The following CADM2 variants were observed in gnomAD, a reference collection of about 807,000 sequenced individuals.
CADM2 encodes the protein cell adhesion molecule 2.
CADM2 carries 12 observed loss-of-function variants against 49.8 expected under a neutral mutation model. That is an observed-to-expected ratio of 0.24 (90% CI 0.15 to 0.39). The LOEUF (loss-of-function observed/expected upper bound fraction) is 0.39, where lower values mean the gene tolerates loss of function less well. CADM2 is among the 10% of genes least tolerant of loss of function. The pLI is 1.00. For missense variants in CADM2, 378 were observed against 492.3 expected, an observed-to-expected ratio of 0.77 and a Z score of 2.20; for synonymous variants, 214 against 175.4, an observed-to-expected ratio of 1.22 and a Z score of -1.74.
chr3:85,651,305 A>G (rs1390555637), intron 1 of CADM2, among the ~76,000 whole-genome samples: 2 of 152,194 alleles, frequency 1.3e-5, no homozygotes. Context: ...ATTAAAGGTC[A>G]CTTAACAAGA....
intron 2 of CADM2, among the ~76,000 whole-genome samples, chr3:85,740,960 G>T (rs553593168): frequency 6.6e-6 from 1 of 152,126 alleles, no homozygotes; most frequent in South Asian, 2.1e-4. Context: ...AATAAGCCTA[G>T]GTAATCCTAG....
intron 5 of CADM2, among the ~76,000 whole-genome samples, chr3:85,898,340 T>A (rs1180973220): frequency 6.6e-6 from 1 of 152,046 alleles, no homozygotes; most frequent in African/African-American, 2.4e-5. Flanking sequence ...TGCAATTTAT[T>A]AAGTTTTGAC....
intron 3 of CADM2, among the ~76,000 whole-genome samples, chr3:85,846,663 T>G (rs2074894554): frequency 6.6e-6 from 1 of 152,022 alleles, no homozygotes. Flanking sequence ...AGCCAGGAGT[T>G]TAAGACCAGC....
intron 1 of CADM2, among the ~76,000 whole-genome samples, chr3:85,414,335 T>C (rs902154901): frequency 2.6e-5 from 4 of 152,204 alleles, no homozygotes; most frequent in East Asian, 1.9e-4. Context: ...CAGAAATTTA[T>C]GTAAATCTTT....
In CADM2 at chr3:85,377,943, A is replaced by T. The variant is rs2033688352; in HGVS notation, c.62-348579A>T. Among the ~76,000 whole-genome samples the T allele has an allele frequency of 3.3e-5, 5 of 152,198 alleles. No individual in the cohort carries two copies. In the South Asian group the frequency reaches 1.0e-3, roughly 32 times the overall value. On this transcript the variant is annotated intron_variant, in intron 1 of 9. Coordinates refer to ENST00000383699, the MANE Select transcript of CADM2 (RefSeq NM_001167675.2). ...AAGTTTAAACAGTTTTTGGCAGTAC[A>T]TGATAGCTTTGTAGCTAAGATAGTA...
chr3:85,267,700 C>A (rs558018047), intron 1 of CADM2, among the ~76,000 whole-genome samples: 1 of 151,434 alleles, frequency 6.6e-6, no homozygotes, highest in African/African-American at 2.4e-5. Flanking sequence ...TAATAATATG[C>A]CTGATGCAAG....
At chr3:85,020,372 T>C (rs769933122) in intron 1 of CADM2, among the ~76,000 whole-genome samples, 17 of 152,174 alleles carry the variant, frequency 1.1e-4, no homozygotes, top group Non-Finnish European at 2.4e-4. Flanking sequence ...TTTTTGATCA[T>C]GGAACATATT....
chr3:85,100,682 A>G (rs959672794), intron 1 of CADM2, among the ~76,000 whole-genome samples: 1 of 152,210 alleles, frequency 6.6e-6, no homozygotes, highest in Non-Finnish European at 1.5e-5. Context: ...GAGGAGACTC[A>G]TACACACTTT....
intron 1 of CADM2, among the ~76,000 whole-genome samples, chr3:85,475,655 T>C (rs1158497591): frequency 6.6e-6 from 1 of 151,914 alleles, no homozygotes; most frequent in African/African-American, 2.4e-5. Context: ...AAGACTAAAT[T>C]AATCTATAAA....
intron 1 of CADM2, among the ~76,000 whole-genome samples, chr3:85,622,121 A>G (rs1346178962): frequency 6.6e-6 from 1 of 152,208 alleles, no homozygotes; most frequent in East Asian, 1.9e-4. Context: ...ATGGATGGAA[A>G]CTATAGATTC....
chr3:85,484,652 A>G (rs1389632377), intron 1 of CADM2, among the ~76,000 whole-genome samples: 1 of 151,900 alleles, frequency 6.6e-6, no homozygotes, highest in Non-Finnish European at 1.5e-5. Flanking sequence ...AGCCTTTAAA[A>G]CCGTATTCCT....
chr3:85,865,112 C>A (rs1196864605), intron 3 of CADM2, among the ~76,000 whole-genome samples: 4 of 152,172 alleles, frequency 2.6e-5, no homozygotes, highest in Non-Finnish European at 4.4e-5. Flanking sequence ...CTGCTACAGG[C>A]CTGCAAGCTG....
At chr3:85,625,655 T>C (rs1485246657) in intron 1 of CADM2, among the ~76,000 whole-genome samples, 1 of 151,882 alleles carries the variant, frequency 6.6e-6, no homozygotes, top group Non-Finnish European at 1.5e-5. Context: ...CAAAAGAGAG[T>C]GAAAATGAAG....
chr3:85,276,664 T>C (rs2043363792), intron 1 of CADM2, among the ~76,000 whole-genome samples: 1 of 151,204 alleles, frequency 6.6e-6, no homozygotes, highest in Admixed American at 6.6e-5. Context: ...CACTAAGAGG[T>C]TGAACAGAGG....
chr3:85,376,808 G>C (rs1559808507), intron 1 of CADM2, among the ~76,000 whole-genome samples: 2 of 151,552 alleles, frequency 1.3e-5, no homozygotes, highest in African/African-American at 4.8e-5. Flanking sequence ...CTTTTAAAAT[G>C]AAAAAAAGGC....
intron 1 of CADM2, among the ~76,000 whole-genome samples, chr3:85,583,957 A>G (rs979529722): frequency 6.6e-6 from 1 of 152,028 alleles, no homozygotes; most frequent in Non-Finnish European, 1.5e-5. Context: ...TTTTAAATAT[A>G]TGCATTTATT....
At chr3:85,434,144 T>A (rs898638507) in intron 1 of CADM2, among the ~76,000 whole-genome samples, 1 of 152,074 alleles carries the variant, frequency 6.6e-6, no homozygotes, top group Non-Finnish European at 1.5e-5. Flanking sequence ...TTAACAATGT[T>A]TCTCATATTA....
chr3:85,168,134 C>T (rs867355746), intron 1 of CADM2, among the ~76,000 whole-genome samples: 8 of 152,210 alleles, frequency 5.3e-5, no homozygotes, highest in Middle Eastern at 3.4e-3. Context: ...GGGCTCTTTG[C>T]AACCTCCACC....
At chr3:85,324,764 A>G (rs1487459921) in intron 1 of CADM2, among the ~76,000 whole-genome samples, 1 of 152,198 alleles carries the variant, frequency 6.6e-6, no homozygotes, top group Non-Finnish European at 1.5e-5. Flanking sequence ...TTACACTTGC[A>G]GATGTCTTCA....
Sources: gnomAD v4.1 joint callset for allele counts (sites outside exome capture counted in the v4.1 genomes callset) on GRCh38, gnomAD v4.1.1 for gene constraint, MANE v1.5 for transcripts, NCBI Gene and HGNC (gene_info 2026-07-23, HGNC 2026-07-21) for gene names.